The following LRRTM4 variants were observed in gnomAD, a reference collection of about 807,000 sequenced individuals.
LRRTM4 encodes leucine-rich repeat transmembrane neuronal protein 4.
Under a neutral mutation model 47.6 loss-of-function variants are expected in LRRTM4, and 25 were observed. The ratio of observed to expected loss-of-function variants is 0.53; its 90% confidence interval spans 0.38 to 0.73. LRRTM4 has a LOEUF of 0.73. Among genes scored for constraint, LRRTM4 ranks in the 30% least tolerant of loss-of-function variants. The pLI, the probability that LRRTM4 is intolerant of heterozygous loss-of-function variation, is 0.00. For missense variants in LRRTM4, 638 were observed against 713.4 expected (o/e 0.89, Z 1.20); for synonymous variants, 311 against 269.5 (o/e 1.15, Z -1.51).
chr2:77,444,199 A>G (rs1675956327), intron 3 of LRRTM4, among the ~76,000 whole-genome samples: 1 of 152,110 alleles, frequency 6.6e-6, no homozygotes, highest in Admixed American at 6.6e-5. Context: ...AACAACATGA[A>G]TGATATACCT....
At chr2:77,161,737 G>A (rs1210774856) in intron 3 of LRRTM4, among the ~76,000 whole-genome samples, 1 of 151,996 alleles carries the variant, frequency 6.6e-6, no homozygotes, top group Admixed American at 6.6e-5. Flanking sequence ...TTTAGAGAGG[G>A]TCTGTAGGTA....
At chr2:77,450,768 A>T (rs192835162) in intron 3 of LRRTM4, among the ~76,000 whole-genome samples, 1 of 152,244 alleles carries the variant, frequency 6.6e-6, no homozygotes, top group Admixed American at 6.5e-5. Flanking sequence ...CCTTATAGCT[A>T]GCCAATTATA....
chr2:77,517,290 G>A (rs1341050678), intron 3 of LRRTM4: 1 of 983,038 alleles, frequency 1.0e-6, no homozygotes, highest in East Asian at 1.1e-4. Flanking sequence ...TAACATGGAA[G>A]GTACACCTTT....
chr2:76,893,889 T>C (rs1244243038), intron 3 of LRRTM4, among the ~76,000 whole-genome samples: 8 of 151,936 alleles, frequency 5.3e-5, no homozygotes, highest in African/African-American at 1.9e-4. Context: ...ACATGTCTCA[T>C]ATGTTTAACA....
intron 3 of LRRTM4, among the ~76,000 whole-genome samples, chr2:76,848,689 GGATTTTTAAACT>G (rs1558691177): frequency 6.6e-6 from 1 of 151,772 alleles, no homozygotes; most frequent in Admixed American, 6.6e-5. Flanking sequence ...TTTATAACAA[GGATTTTTAAACT>G]TGTAATGTGT....
chr2:77,272,356 A>G (rs1183409273), intron 3 of LRRTM4, among the ~76,000 whole-genome samples: 1 of 152,170 alleles, frequency 6.6e-6, no homozygotes, highest in Non-Finnish European at 1.5e-5. Context: ...TTCAAGCAAT[A>G]TAATGAACAT....
chr2:77,004,555 A>C (rs1677562832), intron 3 of LRRTM4, among the ~76,000 whole-genome samples: 1 of 152,158 alleles, frequency 6.6e-6, no homozygotes, highest in Non-Finnish European at 1.5e-5. Context: ...TGGTGCCCTC[A>C]TGGAGAACCT....
intron 3 of LRRTM4, among the ~76,000 whole-genome samples, chr2:77,380,937 T>C (rs918317834): frequency 1.3e-5 from 2 of 152,124 alleles, no homozygotes; most frequent in African/African-American, 4.8e-5. Flanking sequence ...ATATTTTAAA[T>C]GAGACAACAG....
Position 77,326,112 on chromosome 2 carries a change from AC to A in LRRTM4, c.1551+192205del, listed in dbSNP as rs1670764958. On this transcript the variant is annotated intron_variant, in intron 3 of 3. Coordinates refer to ENST00000409884, the MANE Select transcript of LRRTM4 (RefSeq NM_001134745.3). ...CACAGAGATGCCGTGAGAAATTCCA[AC>A]AAACAGATCTTACTAAGTTGTCCCA... Among the ~76,000 whole-genome samples the A allele has an allele frequency of 5.3e-5, 8 of 152,336 alleles. No individual in the cohort carries two copies. The South Asian group carries it at 1.4e-3, about 28-fold the overall frequency.
chr2:77,309,681 TGATAGATA>T (rs3084674), intron 3 of LRRTM4, among the ~76,000 whole-genome samples: 53,659 of 147,020 alleles, frequency 0.36, 9,810 homozygotes, highest in African/African-American at 0.38. Context: ...GATAGACAGA[TGATAGATA>T]GATAGATAGA....
chr2:77,216,004 C>CT (rs1277629399), intron 3 of LRRTM4, among the ~76,000 whole-genome samples: 1 of 152,170 alleles, frequency 6.6e-6, no homozygotes, highest in African/African-American at 2.4e-5. Context: ...GCTGTGCTAC[C>CT]TGCAGAACGT....
chr2:76,821,012 A>G (rs547823039), intron 3 of LRRTM4, among the ~76,000 whole-genome samples: 6 of 151,838 alleles, frequency 4.0e-5, no homozygotes, highest in African/African-American at 1.2e-4. Context: ...TAAAATTATG[A>G]GTTATTTCAG....
intron 3 of LRRTM4, among the ~76,000 whole-genome samples, chr2:77,401,161 T>A (rs1328589976): frequency 6.6e-6 from 1 of 151,964 alleles, no homozygotes; most frequent in Non-Finnish European, 1.5e-5. Context: ...GCCATCAGCA[T>A]CACCTGGAAG....
At chr2:77,150,350 T>C (rs1193228758) in intron 3 of LRRTM4, among the ~76,000 whole-genome samples, 2 of 152,302 alleles carry the variant, frequency 1.3e-5, no homozygotes, top group Non-Finnish European at 2.9e-5. Context: ...TCTCTCTTTT[T>C]TCTTTTTAAC....
intron 3 of LRRTM4, among the ~76,000 whole-genome samples, chr2:77,454,925 C>T (rs539166463): frequency 3.7e-4 from 57 of 152,074 alleles, no homozygotes; most frequent in African/African-American, 1.1e-3. Flanking sequence ...CGGTGGCTCT[C>T]GCCTGTAATC....
intron 3 of LRRTM4, among the ~76,000 whole-genome samples, chr2:76,992,896 A>G (rs1677061103): frequency 6.6e-6 from 1 of 151,432 alleles, no homozygotes; most frequent in Non-Finnish European, 1.5e-5. Flanking sequence ...TAAGTAACCA[A>G]AACAGCATGG....
At chr2:76,937,289 C>G (rs1000158910) in intron 3 of LRRTM4, among the ~76,000 whole-genome samples, 15 of 152,026 alleles carry the variant, frequency 9.9e-5, no homozygotes, top group Non-Finnish European at 2.2e-4. Flanking sequence ...TGATGCAAAC[C>G]AAAATCTCAA....
At chr2:77,480,839 G>GT in intron 3 of LRRTM4, among the ~76,000 whole-genome samples, 1 of 41,066 alleles carries the variant, frequency 2.4e-5, no homozygotes, top group Non-Finnish European at 6.4e-5. Context: ...GAGAGAGAGA[G>GT]AGAGAGAGAG....
At chr2:77,223,994 A>C (rs1674725212) in intron 3 of LRRTM4, among the ~76,000 whole-genome samples, 1 of 152,022 alleles carries the variant, frequency 6.6e-6, no homozygotes, top group East Asian at 1.9e-4. Context: ...ACAGCATGGT[A>C]CTGGTACCAA....
Sources: gnomAD v4.1 joint callset for allele counts (sites outside exome capture counted in the v4.1 genomes callset) on GRCh38, gnomAD v4.1.1 for gene constraint, MANE v1.5 for transcripts, NCBI Gene and HGNC (gene_info 2026-07-23, HGNC 2026-07-21) for gene names.